Variants in TTC39C observed in about 807,000 individuals in gnomAD.
The protein encoded by TTC39C is tetratricopeptide repeat protein 39C.
In TTC39C, 33 loss-of-function variants were observed where a neutral mutation model predicts 76.3. That is an observed-to-expected ratio of 0.43 (90% CI 0.33 to 0.58). The LOEUF is 0.58. TTC39C is among the 20% of genes least tolerant of loss of function. The pLI is 0.04. For missense variants in TTC39C, 595 were observed against 701.4 expected, an observed-to-expected ratio of 0.85 and a Z score of 1.71; for synonymous variants, 254 against 260.6, an observed-to-expected ratio of 0.97 and a Z score of 0.24.
intron 1 of TTC39C, among the ~76,000 whole-genome samples, chr18:24,005,582 A>G (rs1363802279): frequency 6.6e-6 from 1 of 152,022 alleles, no homozygotes; most frequent in Non-Finnish European, 1.5e-5. Context: ...AAGGAGGCTT[A>G]TGCCGGTAAT....
chr18:24,004,759 T>C (rs1400789329), intron 1 of TTC39C, among the ~76,000 whole-genome samples: 1 of 152,202 alleles, frequency 6.6e-6, no homozygotes, highest in Non-Finnish European at 1.5e-5. Context: ...GTGCTTTCAC[T>C]CATTTTTCGT....
chr18:24,020,802 G>A (rs2145652737), intron 1 of TTC39C, among the ~76,000 whole-genome samples: 1 of 152,254 alleles, frequency 6.6e-6, no homozygotes, highest in East Asian at 1.9e-4. Context: ...ACTGAGGGCT[G>A]ACTGTATTGT....
intron 8 of TTC39C, among the ~76,000 whole-genome samples, chr18:24,119,408 C>T (rs113055232): frequency 1.3e-5 from 2 of 152,300 alleles, no homozygotes; most frequent in African/African-American, 4.8e-5. Flanking sequence ...CCTTCTTATT[C>T]TTAACGTTCA....
intron 1 of TTC39C, among the ~76,000 whole-genome samples, chr18:24,059,039 C>T (rs2084055267): frequency 6.6e-6 from 1 of 152,080 alleles, no homozygotes; most frequent in Admixed American, 6.5e-5. Flanking sequence ...ATGTGTATTG[C>T]AAATATCTTC....
chr18:24,002,364 C>G (rs922606008), intron 1 of TTC39C, among the ~76,000 whole-genome samples: 64 of 152,080 alleles, frequency 4.2e-4, no homozygotes, highest in Admixed American at 4.2e-3. Context: ...GGGGTGGGAT[C>G]CAGATTTAAA....
chr18:24,117,226 G>A (rs778778332), intron 7 of TTC39C, among the ~76,000 whole-genome samples: 22 of 152,152 alleles, frequency 1.4e-4, no homozygotes, highest in Non-Finnish European at 2.5e-4. Flanking sequence ...GGTGATGGGG[G>A]CTACTGTGAT....
At chr18:24,017,609 A>G (rs1263747610) in intron 1 of TTC39C, among the ~76,000 whole-genome samples, 1 of 152,202 alleles carries the variant, frequency 6.6e-6, no homozygotes, top group Non-Finnish European at 1.5e-5. Flanking sequence ...CGTATTACGT[A>G]TGAAGGATTT....
At chr18:24,067,723 G>A (rs1387149122) in intron 3 of TTC39C, among the ~76,000 whole-genome samples, 1 of 152,088 alleles carries the variant, frequency 6.6e-6, no homozygotes, top group Non-Finnish European at 1.5e-5. Context: ...GGTCCCTGGT[G>A]CCAAAAAGGT....
At chr18:24,029,057 G>A (rs535949753) in intron 1 of TTC39C, among the ~76,000 whole-genome samples, 1 of 151,502 alleles carries the variant, frequency 6.6e-6, no homozygotes, top group East Asian at 2.0e-4. Context: ...AAATTAATTA[G>A]TGTTTGAGTT....
intron 6 of TTC39C, among the ~76,000 whole-genome samples, chr18:24,084,737 C>G (rs1201406181): frequency 6.6e-6 from 1 of 152,134 alleles, no homozygotes; most frequent in Non-Finnish European, 1.5e-5. Flanking sequence ...CTCACTGCAG[C>G]CTCAGCCTCA....
intron 1 of TTC39C, among the ~76,000 whole-genome samples, chr18:24,019,216 T>G (rs2145649660): frequency 6.6e-6 from 1 of 152,268 alleles, no homozygotes; most frequent in Middle Eastern, 3.4e-3. Flanking sequence ...GCCTCCCTCC[T>G]CCCCTCTTGA....
chr18:24,069,968 C>T (rs1330364437), intron 4 of TTC39C, among the ~76,000 whole-genome samples: 2 of 152,014 alleles, frequency 1.3e-5, no homozygotes, highest in South Asian at 2.1e-4. Context: ...TTGAAAAAAC[C>T]GAAAATTCTA....
At chr18:24,015,738 T>A (rs996990885) in intron 1 of TTC39C, among the ~76,000 whole-genome samples, 1 of 152,202 alleles carries the variant, frequency 6.6e-6, no homozygotes, top group Non-Finnish European at 1.5e-5. Flanking sequence ...GAGGGATTTT[T>A]AAAAAGTATG....
intron 4 of TTC39C, chr18:24,076,680 A>G (rs1407447856): frequency 1.3e-5 from 2 of 152,080 alleles, no homozygotes; most frequent in Non-Finnish European, 2.9e-5. Flanking sequence ...CTCTCTCGAC[A>G]TGAGCATTAA....
Position 24,063,285 on chromosome 18 carries a change from C to T in TTC39C, c.168-855C>T, listed in dbSNP as rs138142835. Among the ~76,000 whole-genome samples the T allele has an allele frequency of 3.7e-3, 558 of 152,196 alleles. 2 individuals are homozygous for T. Among genetic ancestry groups the T allele is most frequent in the Middle Eastern group, 6.8e-3 (2 of 294 alleles). On this transcript the variant is annotated intron_variant, in intron 1 of 13. Transcript: ENST00000317571. ...CAAGGGGGGAATGGCTGACTCTTAG[C>T]GAGGCATTCCTAAGGTTCTGGGATT...
At chr18:24,058,396 T>G (rs2084044619) in intron 1 of TTC39C, among the ~76,000 whole-genome samples, 1 of 152,264 alleles carries the variant, frequency 6.6e-6, no homozygotes, top group Non-Finnish European at 1.5e-5. Context: ...AGCTCACGCC[T>G]GTAATCCCAG....
At chr18:24,044,138 G>T (rs2083833737) in intron 1 of TTC39C, among the ~76,000 whole-genome samples, 1 of 151,384 alleles carries the variant, frequency 6.6e-6, no homozygotes, top group Admixed American at 6.6e-5. Context: ...CAGGAACATT[G>T]GTTTCTTTCT....
chr18:24,015,221 A>T, intron 1 of TTC39C, 183 bp downstream of exon 1: 1 of 503,560 alleles, frequency 2.0e-6, no homozygotes, highest in Middle Eastern at 5.6e-4. Context: ...CTCCTCGTCC[A>T]CCCCCTACCC....
chr18:24,132,064 G>A, intron 13 of TTC39C, 144 bp downstream of exon 13: 1 of 697,854 alleles, frequency 1.4e-6, no homozygotes. Context: ...AATTGAATCA[G>A]TGAGCTCTTG....
Sources: allele counts gnomAD v4.1 joint callset (sites outside exome capture counted in the v4.1 genomes callset), GRCh38; gene constraint gnomAD v4.1.1; transcripts MANE v1.5; gene names NCBI Gene and HGNC (gene_info 2026-07-23, HGNC 2026-07-21).